The following TRIML2 variants were observed in gnomAD, a reference collection of about 807,000 sequenced individuals.
TRIML2 encodes probable E3 ubiquitin-protein ligase TRIML2.
Under a neutral mutation model 31.2 loss-of-function variants are expected in TRIML2, and 28 were observed. That is an observed-to-expected ratio of 0.90 (90% CI 0.66 to 1.23). The LOEUF is 1.23. Ranked by LOEUF, TRIML2 falls within the 50% of genes most tolerant of loss-of-function variation. The pLI is 0.00. For synonymous variants in TRIML2, 187 were observed against 197.5 expected (o/e 0.95, Z 0.45); for missense variants, 536 against 528.3 (o/e 1.01, Z -0.14).
chr4:188,102,786 T>C (rs1418518524), intron 3 of TRIML2, among the ~76,000 whole-genome samples: 1 of 149,726 alleles, frequency 6.7e-6, no homozygotes, highest in Non-Finnish European at 1.5e-5. Context: ...GAGGCGGAGG[T>C]TGCAGTGAGC....
At chr4:188,092,820 A>G (rs896678941) in intron 7 of TRIML2, 1 of 455,718 alleles carries the variant, frequency 2.2e-6, no homozygotes. Flanking sequence ...AATTCCTCAC[A>G]CCTGCATGAA....
At position 188,104,830 on chromosome 4, in the gene TRIML2, C is replaced by T. The variant is rs773223912; in HGVS notation, c.285+7G>A. 6.2e-7 allele frequency: 1 copy of T among 1,609,904 alleles called. No homozygotes were observed. The highest frequency in any genetic ancestry group is 8.5e-7 in the Non-Finnish European group (1 of 1,176,214). ...CCCCCCAAGAATCAAGATAAGCACT[C>T]ACTGACCTGAATCATCGCCATTCTT... is the stretch of plus-strand genomic sequence containing the variant. On this transcript the variant is annotated splice_region_variant and intron_variant, in intron 3 of 7. Transcript: ENST00000682553.
chr4:188,099,574 A>C (rs1454774991), intron 4 of TRIML2, among the ~76,000 whole-genome samples: 2 of 148,714 alleles, frequency 1.3e-5, no homozygotes, highest in African/African-American at 5.0e-5. Context: ...AAAAAAAAAA[A>C]CCAAAACCAA....
rs77676726 is a variant in TRIML2, at chr4:188,095,097, G to T, written c.745+1964C>A. ...CAAAAAATAAAAATAGAAGGTGGGG[G>T]GAGGAGAGGGTTTGCACCATTCTGT... On this transcript the variant is annotated intron_variant, in intron 7 of 7. Transcript: ENST00000682553. Among the ~76,000 whole-genome samples the T allele has an allele frequency of 2.8e-3, 424 of 152,176 alleles. 1 individual carries two copies. Among genetic ancestry groups the T allele is most frequent in the South Asian group, 7.3e-3 (35 of 4,808 alleles).
intron 3 of TRIML2, among the ~76,000 whole-genome samples, chr4:188,101,929 G>C (rs1733809537): frequency 6.6e-6 from 1 of 151,768 alleles, no homozygotes; most frequent in Non-Finnish European, 1.5e-5. Flanking sequence ...AGGAGATCGA[G>C]ACCATCCTGG....
chr4:188,108,614 T>A (rs67645763), intron 1 of TRIML2, among the ~76,000 whole-genome samples: 74,264 of 151,732 alleles, frequency 0.49, 18,968 homozygotes, highest in South Asian at 0.61. Context: ...TGCCTTCTTC[T>A]GATCTCTCTA....
intron 4 of TRIML2, 26 bp from the exon 5 acceptor site, chr4:188,099,201 T>C (rs763373386): frequency 1.3e-6 from 2 of 1,564,410 alleles, no homozygotes; most frequent in Non-Finnish European, 1.7e-6. Flanking sequence ...TTCGTTACTA[T>C]TCAACAACCT....
chr4:188,095,094 G>C (rs763472242), intron 7 of TRIML2, among the ~76,000 whole-genome samples: 12 of 152,088 alleles, frequency 7.9e-5, no homozygotes, highest in Non-Finnish European at 1.6e-4. Context: ...ATAGAAGGTG[G>C]GGGGAGGAGA....
intron 3 of TRIML2, among the ~76,000 whole-genome samples, chr4:188,102,111 C>A (rs1733822075): frequency 1.5e-5 from 2 of 132,946 alleles, no homozygotes; most frequent in Admixed American, 8.6e-5. Context: ...GCCTGGGCGA[C>A]AGAGGGAGAC....
At position 188,091,606 on chromosome 4, in the gene TRIML2, G is replaced by A. The variant is rs1733257356; in HGVS notation, c.1081C>T (p.Leu361Phe). ...TLWVFPPLKRLFLEKKLDTVG... is the reference protein window; with the variant it reads ...TLWVFPPLKRFFLEKKLDTVG... ...GTGTCCAACTTCTTTTCCAGGAAGA[G>A]CCTTTTCAGAGGGGGGAAGACCCAG... is the stretch of plus-strand genomic sequence containing the variant. The change falls in exon 8 of 8, where the codon CTC (leucine) becomes TTC (phenylalanine). Residue 361 changes from leucine to phenylalanine, a missense_variant. Leu to Phe is a conservative substitution (Grantham distance 22). Coordinates refer to ENST00000682553, the MANE Select transcript of TRIML2 (RefSeq NM_173553.4). 1 of 1,614,172 alleles carries A rather than the reference G, an allele frequency of 6.2e-7. No homozygotes were observed.
At chr4:188,108,533 G>C (rs7654382) in intron 1 of TRIML2, among the ~76,000 whole-genome samples, 74,472 of 151,952 alleles carry the variant, frequency 0.49, 19,058 homozygotes, top group South Asian at 0.61. Context: ...GAGCAGGTTT[G>C]TGGTCACTTT....
intron 5 of TRIML2, chr4:188,098,245 C>T (rs1180661462): frequency 8.8e-6 from 4 of 455,414 alleles, no homozygotes; most frequent in Non-Finnish European, 1.8e-5. Context: ...ATTCATTTCT[C>T]GCAGTTCTGG....
chr4:188,106,057 T>C (rs1429415050), intron 1 of TRIML2: 1 of 151,158 alleles, frequency 6.6e-6, no homozygotes, highest in Non-Finnish European at 1.5e-5. Context: ...AGCTCCTCTT[T>C]TTTTTTTTTT....
In TRIML2 at chr4:188,091,683, G is replaced by A. The variant is rs774733031; in HGVS notation, c.1004C>T (p.Ser335Phe). The change falls in exon 8 of 8, where the codon TCC (serine) becomes TTC (phenylalanine). Residue 335 changes from serine to phenylalanine, a missense_variant. By Grantham distance (155) the Ser-to-Phe change is radical. Coordinates refer to ENST00000682553, the MANE Select transcript of TRIML2 (RefSeq NM_173553.4). Reference protein sequence around the residue: ...ADAKGSTARASGEKVLLTGSV... With the variant: ...ADAKGSTARAFGEKVLLTGSV... ...CCCCGTGAGCAAGACTTTCTCTCCG[G>A]AAGCTCTGGCCGTGCTGCCCTTCGC... The A allele has an allele frequency of 1.5e-5, 24 of 1,612,962 alleles. No homozygotes were observed. The highest frequency in any genetic ancestry group is 2.0e-5 in the Non-Finnish European group (24 of 1,179,152).
Position 188,091,860 on chromosome 4 carries a change from C to T in TRIML2, c.827G>A (p.Gly276Glu), listed in dbSNP as rs1357240532. 1.2e-6 allele frequency: 2 copies of T among 1,614,072 alleles called. No individual in the cohort carries two copies. The highest frequency in any genetic ancestry group is 2.7e-5 in the African/African-American group (2 of 75,018). The change falls in exon 8 of 8, where the codon GGG becomes GAG. Residue 276 changes from glycine (G) to glutamate (E), a missense_variant. Gly to Glu is a moderately conservative substitution (Grantham distance 98). Coordinates refer to ENST00000682553, the MANE Select transcript of TRIML2 (RefSeq NM_173553.4). ...TGGGTTGCCAGCCCCATCCTGCTGC[C>T]CATGTCTCAATCTCATAGTTCTCAG... ...EDLRTMRLRH[G>E]QQDGAGNPER...
intron 7 of TRIML2, among the ~76,000 whole-genome samples, chr4:188,095,795 T>C (rs1733478086): frequency 6.6e-6 from 1 of 152,162 alleles, no homozygotes; most frequent in Non-Finnish European, 1.5e-5. Flanking sequence ...ACAACCCATG[T>C]CCGTAGAATT....
At chr4:188,104,173 G>A (rs184448286) in intron 3 of TRIML2, among the ~76,000 whole-genome samples, 4 of 152,056 alleles carry the variant, frequency 2.6e-5, no homozygotes, top group South Asian at 2.1e-4. Flanking sequence ...AAACGGTGTC[G>A]TTAATCTTTT....
At chr4:188,095,932 T>A (rs1271400016) in intron 7 of TRIML2, among the ~76,000 whole-genome samples, 1 of 152,194 alleles carries the variant, frequency 6.6e-6, no homozygotes, top group Non-Finnish European at 1.5e-5. Flanking sequence ...GCTGTCAGCC[T>A]CGAAAGGCCA....
Position 188,105,188 on chromosome 4 carries a change from T to C in TRIML2, c.181A>G (p.Asn61Asp), listed in dbSNP as rs1470505830. The change falls in exon 2 of 8, where the codon AAT (asparagine) becomes GAT (aspartate). Residue 61 changes from asparagine to aspartate, a missense_variant. By Grantham distance (23) the Asn-to-Asp change is conservative (BLOSUM62 1). Transcript: ENST00000682553. ...MVCGIQEAAE[N>D]YRKLFQEILN... ...GCGTGAGTGACTCTTACCCTGTAAT[T>C]CTCAGCAGCCTCTTGTATCCCACAC... The C allele has an allele frequency of 6.3e-7, 1 of 1,597,092 alleles. No homozygotes were observed. The highest frequency in any genetic ancestry group is 1.3e-5 in the African/African-American group (1 of 74,780).
Sources: gnomAD v4.1 joint callset for allele counts (sites outside exome capture counted in the v4.1 genomes callset) on GRCh38, gnomAD v4.1.1 for gene constraint, MANE v1.5 for transcripts, NCBI Gene and HGNC (gene_info 2026-07-23, HGNC 2026-07-21) for gene names.